PTPRT: variants seen among roughly 807,000 people sequenced by gnomAD.
The protein encoded by PTPRT is receptor-type tyrosine-protein phosphatase T.
Under a neutral mutation model 176.8 loss-of-function variants are expected in PTPRT, and 56 were observed. The ratio of observed to expected loss-of-function variants is 0.32; its 90% confidence interval spans 0.26 to 0.40. The LOEUF is 0.40. PTPRT is among the 10% of genes least tolerant of loss of function. The probability of loss-of-function intolerance (pLI) is 1.00; values close to 1 mark genes in which losing one functional copy is unlikely to be tolerated. For synonymous variants in PTPRT, 783 were observed against 739.0 expected (o/e 1.06, Z -0.96); for missense variants, 1,540 against 1,908.2 (o/e 0.81, Z 3.60).
intron 2 of PTPRT, among the ~76,000 whole-genome samples, chr20:42,806,105 C>A (rs1316046918): frequency 6.6e-6 from 1 of 151,792 alleles, no homozygotes; most frequent in East Asian, 1.9e-4. Context: ...AAAACCCAGC[C>A]CTCTCATTTC....
chr20:42,683,985 G>A (rs1321391828), intron 6 of PTPRT, among the ~76,000 whole-genome samples: 1 of 152,166 alleles, frequency 6.6e-6, no homozygotes, highest in Non-Finnish European at 1.5e-5. Flanking sequence ...ATTCTTCCCT[G>A]GCTTGGGCTC....
intron 7 of PTPRT, among the ~76,000 whole-genome samples, chr20:42,605,583 A>G (rs539844088): frequency 1.2e-4 from 18 of 152,306 alleles, no homozygotes; most frequent in Non-Finnish European, 2.2e-4. Flanking sequence ...AATATGCTTC[A>G]TACCTTGGAG....
intron 16 of PTPRT, among the ~76,000 whole-genome samples, chr20:42,168,456 T>C (rs1989926786): frequency 6.6e-6 from 1 of 152,176 alleles, no homozygotes; most frequent in Admixed American, 6.5e-5. Context: ...GCCTCCCCTC[T>C]TCTCCCTCAC....
At chr20:42,208,529 G>C (rs927065789) in intron 15 of PTPRT, among the ~76,000 whole-genome samples, 1 of 151,934 alleles carries the variant, frequency 6.6e-6, no homozygotes, top group African/African-American at 2.4e-5. Flanking sequence ...AACCAACAAA[G>C]ATCAAAAGAG....
At chr20:42,193,252 G>A (rs1389023760) in intron 16 of PTPRT, among the ~76,000 whole-genome samples, 2 of 152,210 alleles carry the variant, frequency 1.3e-5, no homozygotes, top group African/African-American at 4.8e-5. Flanking sequence ...CTCCATATTT[G>A]AGCATGCTTA....
intron 1 of PTPRT, among the ~76,000 whole-genome samples, chr20:43,101,572 A>G (rs181764593): frequency 2.0e-5 from 3 of 151,326 alleles, no homozygotes; most frequent in African/African-American, 7.4e-5. Context: ...ATACAGCATA[A>G]CTAGCATCAT....
At chr20:42,096,756 A>AATTTTTT (rs1555862037) in intron 27 of PTPRT, among the ~76,000 whole-genome samples, 28 of 118,868 alleles carry the variant, frequency 2.4e-4, no homozygotes, top group Non-Finnish European at 3.3e-4. Flanking sequence ...GCTAATTAAA[A>AATTTTTT]TTTTTTTTTT....
intron 1 of PTPRT, among the ~76,000 whole-genome samples, chr20:42,990,349 T>A (rs1451513486): frequency 6.6e-6 from 1 of 152,218 alleles, no homozygotes; most frequent in Non-Finnish European, 1.5e-5. Flanking sequence ...CAGCTTTTTT[T>A]TAATGTTGGT....
chr20:42,242,737 T>C (rs2056378156), intron 14 of PTPRT, among the ~76,000 whole-genome samples: 2 of 152,144 alleles, frequency 1.3e-5, no homozygotes, highest in African/African-American at 4.8e-5. Context: ...AAGAAACTTG[T>C]TTCCATATGG....
intron 22 of PTPRT, among the ~76,000 whole-genome samples, chr20:42,113,010 C>T (rs1443714625): frequency 1.3e-5 from 2 of 152,178 alleles, no homozygotes; most frequent in Admixed American, 6.5e-5. Context: ...CTCCCCGATG[C>T]GTCTGTGCTG....
intron 1 of PTPRT, among the ~76,000 whole-genome samples, chr20:42,921,560 G>C (rs1369248119): frequency 6.6e-6 from 1 of 152,166 alleles, no homozygotes; most frequent in Non-Finnish European, 1.5e-5. Flanking sequence ...ACTTCAGTCT[G>C]GGCAACAGAG....
At chr20:42,299,386 A>G (rs1263133836) in intron 12 of PTPRT, among the ~76,000 whole-genome samples, 1 of 152,194 alleles carries the variant, frequency 6.6e-6, no homozygotes, top group East Asian at 1.9e-4. Context: ...TTTCAACACA[A>G]CGGTTTGCAT....
intron 8 of PTPRT, among the ~76,000 whole-genome samples, chr20:42,471,944 C>T (rs1415087056): frequency 6.6e-6 from 1 of 152,158 alleles, no homozygotes; most frequent in African/African-American, 2.4e-5. Flanking sequence ...GCATGAGTCA[C>T]CACACCTGGC....
intron 9 of PTPRT, among the ~76,000 whole-genome samples, chr20:42,439,428 T>C (rs764666750): frequency 6.6e-6 from 1 of 152,174 alleles, no homozygotes; most frequent in Admixed American, 6.5e-5. Flanking sequence ...GATACCTCCC[T>C]ATGTTTCTTC....
intron 1 of PTPRT, among the ~76,000 whole-genome samples, chr20:43,108,561 A>T (rs2012715557): frequency 6.6e-6 from 1 of 152,084 alleles, no homozygotes; most frequent in Non-Finnish European, 1.5e-5. Flanking sequence ...GTGACTCGAG[A>T]CAGGGTTGGG....
At chr20:42,609,369 C>A (rs2073936300) in intron 7 of PTPRT, among the ~76,000 whole-genome samples, 1 of 152,148 alleles carries the variant, frequency 6.6e-6, no homozygotes, top group South Asian at 2.1e-4. Context: ...CCACCGCACC[C>A]AGCCCCCAAC....
At chr20:42,931,653 G>A (rs569243872) in intron 1 of PTPRT, among the ~76,000 whole-genome samples, 50 of 152,258 alleles carry the variant, frequency 3.3e-4, no homozygotes, top group African/African-American at 1.2e-3. Flanking sequence ...GAGAGGGAGC[G>A]GGTGAGCATA....
intron 7 of PTPRT, among the ~76,000 whole-genome samples, chr20:42,624,008 C>CAAA (rs2074247421): frequency 8.6e-6 from 1 of 116,664 alleles, no homozygotes; most frequent in African/African-American, 3.5e-5. Flanking sequence ...ACAATAGCAA[C>CAAA]AAACAAACAA....
intron 1 of PTPRT, among the ~76,000 whole-genome samples, chr20:42,931,238 T>C (rs1181712574): frequency 6.6e-6 from 1 of 152,204 alleles, no homozygotes; most frequent in Non-Finnish European, 1.5e-5. Context: ...TAAGGTTGAA[T>C]GAAGTCATAA....
Sources: allele counts gnomAD v4.1 joint callset (sites outside exome capture counted in the v4.1 genomes callset), GRCh38; gene constraint gnomAD v4.1.1; transcripts MANE v1.5; gene names NCBI Gene and HGNC (gene_info 2026-07-23, HGNC 2026-07-21).